PRDM2: variants seen among roughly 807,000 people sequenced by gnomAD.
PRDM2 encodes the protein PR domain zinc finger protein 2.
A neutral mutation model predicts 130.0 loss-of-function variants in PRDM2; 30 were observed. The ratio of observed to expected loss-of-function variants is 0.23; its 90% confidence interval spans 0.17 to 0.31. The LOEUF is 0.31. PRDM2 is among the 10% of genes least tolerant of loss of function. The pLI, the probability that PRDM2 is intolerant of heterozygous loss-of-function variation, is 1.00. For synonymous variants in PRDM2, 871 were observed against 782.4 expected, an observed-to-expected ratio of 1.11 and a Z score of -1.89; for missense variants, 2,011 against 2,108.4, an observed-to-expected ratio of 0.95 and a Z score of 0.90.
intron 8 of PRDM2, among the ~76,000 whole-genome samples, chr1:13,815,925 A>G (rs748841531): frequency 1.3e-5 from 2 of 152,224 alleles, no homozygotes; most frequent in African/African-American, 2.4e-5. Flanking sequence ...TCCATTCCCC[A>G]CAACCCAGCC....
Position 13,778,641 on chromosome 1 carries a change from A to T in PRDM2, c.846A>T (p.Glu282Asp), listed in dbSNP as rs376676285. The T allele has an allele frequency of 9.0e-5, 140 of 1,549,194 alleles. No homozygotes were observed. Among genetic ancestry groups the T allele is most frequent in the East Asian group, 3.2e-4 (14 of 43,682 alleles). Reference sequence around the variant, plus strand: ...AGGAGGAGGATGAAGAAGAAGAAGAAGATGATGATGATGATGAGTTGGAAG... The same window carrying T: ...AGGAGGAGGATGAAGAAGAAGAAGATGATGATGATGATGATGAGTTGGAAG... ...EEEEEDEEEE[E>D]DDDDDELEDE... Residue 282 changes from glutamate (E) to aspartate (D), a missense_variant, in exon 8 of 10, where the codon GAA becomes GAT. Around this residue, in one of 5 missense-constraint regions of PRDM2, gnomAD observed 1,288 missense variants for 1,237.7 expected, o/e 1.04. Transcript: ENST00000311066.
At chr1:13,761,729 C>T (rs993642722) in intron 6 of PRDM2, among the ~76,000 whole-genome samples, 11 of 152,056 alleles carry the variant, frequency 7.2e-5, no homozygotes, top group Admixed American at 6.6e-4. Flanking sequence ...CCAGTATGTT[C>T]AGTTTTCAAA....
rs781419766 is a variant in PRDM2 at position 13,782,348 on chromosome 1, C to T, written c.4553C>T (p.Ala1518Val). ...NSNSNHRRRT[A>V]DAEIKMQSMQ... ...AACAGCAACCACCGCAGACGGACAG[C>T]GGATGCGGAGATTAAAATGCAAAGC... Residue 1518 changes from alanine (A) to valine (V), a missense_variant, in exon 8 of 10, where the codon GCG becomes GTG. Transcript: ENST00000311066. 1.5e-5 allele frequency: 24 copies of T among 1,613,970 alleles called. No individual in the cohort carries two copies. The highest frequency in any genetic ancestry group is 6.7e-5 in the Admixed American group (4 of 59,976).
At chr1:13,762,913 C>T (rs1482530745) in intron 6 of PRDM2, among the ~76,000 whole-genome samples, 2 of 152,170 alleles carry the variant, frequency 1.3e-5, no homozygotes, top group Non-Finnish European at 2.9e-5. Flanking sequence ...TTGAGATCCT[C>T]CACAGCAGTG....
chr1:13,791,599 A>G (rs1167435620), intron 8 of PRDM2, among the ~76,000 whole-genome samples: 1 of 152,190 alleles, frequency 6.6e-6, no homozygotes, highest in East Asian at 1.9e-4. Flanking sequence ...TGCAAAACAA[A>G]CAGGTATTTA....
chr1:13,719,795 T>TC (rs1642664623), intron 2 of PRDM2, among the ~76,000 whole-genome samples: 2 of 146,150 alleles, frequency 1.4e-5, no homozygotes. Context: ...ATTTTTTTTT[T>TC]CCCATCGTTT....
In PRDM2 at chr1:13,780,490, A is replaced by T; in HGVS notation, c.2695A>T (p.Ile899Phe). ...GGTTCTTCTCAATGAATATAATGGC[A>T]TCGATTTACCTGTAGAAAACCCTGC... ...QKVLLNEYNG[I>F]DLPVENPADG... The change falls in exon 8 of 10, where the codon ATC becomes TTC. Residue 899 changes from isoleucine (I) to phenylalanine (F), a missense_variant. By Grantham distance (21) the Ile-to-Phe change is conservative. Transcript: ENST00000311066. 1 of 1,614,226 alleles carries T rather than the reference A, an allele frequency of 6.2e-7. No individual in the cohort carries two copies. The highest frequency in any genetic ancestry group is 1.1e-5 in the South Asian group (1 of 91,080).
At chr1:13,741,880 A>G in intron 4 of PRDM2, 125 bp from the exon 5 acceptor site, 1 of 714,434 alleles carries the variant, frequency 1.4e-6, no homozygotes, top group South Asian at 2.5e-5. Flanking sequence ...TTTTGTTTTT[A>G]TGAAATGCTT....
intron 7 of PRDM2, chr1:13,773,529 T>TCC (rs1644403043): frequency 6.2e-6 from 1 of 161,742 alleles, no homozygotes; most frequent in South Asian, 2.0e-4. Context: ...CCGGGCAACA[T>TCC]AGTGAGACCC....
In PRDM2 at chr1:13,779,427, G is replaced by C; in HGVS notation, c.1632G>C (p.Pro544=). ...ACGTGTATGTACCAAGCACAGAGCC[G>C]GAGGAGGAAGGGGAAGCAGATGATG... The part of the protein sequence containing the change: ...TQNVYVPSTE[P]EEEGEADDVY... Residue 544 remains proline (P), a synonymous_variant, in exon 8 of 10, where the codon CCG becomes CCC. Transcript: ENST00000311066. This position sits in a 1 kb window ranked among gnomAD's most constrained non-coding sequence, Gnocchi z 4.9. 1 of 1,614,140 alleles carries C rather than the reference G, an allele frequency of 6.2e-7. No homozygotes were observed. Among genetic ancestry groups the C allele is most frequent in the African/African-American group, 1.3e-5 (1 of 75,024 alleles).
intron 8 of PRDM2, among the ~76,000 whole-genome samples, chr1:13,809,947 T>C (rs188093785): frequency 6.6e-6 from 1 of 152,310 alleles, no homozygotes; most frequent in Non-Finnish European, 1.5e-5. Flanking sequence ...GTTCACAGAC[T>C]GCCACCTTCT....
intron 8 of PRDM2, among the ~76,000 whole-genome samples, chr1:13,790,221 G>C (rs529766611): frequency 1.8e-4 from 27 of 152,314 alleles, no homozygotes; most frequent in African/African-American, 6.3e-4. Flanking sequence ...AATATGGGAA[G>C]AATAACAGAT....
Position 13,779,137 on chromosome 1 carries a change from C to A in PRDM2, c.1342C>A (p.Pro448Thr). The change falls in exon 8 of 10, where the codon CCT becomes ACT. Residue 448 changes from proline to threonine, a missense_variant. Around this residue, in one of 5 missense-constraint regions of PRDM2, gnomAD observed 1,288 missense variants for 1,237.7 expected, o/e 1.04. Transcript: ENST00000311066. The surrounding 1 kb of genome is among the most constrained non-coding windows in gnomAD (Gnocchi z 4.9). ...ENVASKDDSS[P>T]PSLGPDCLIM... ...CGTTGCTTCAAAAGATGATTCGAGT[C>A]CTCCCAGTCTTGGGCCAGACTGTCT... is the stretch of plus-strand genomic sequence containing the variant. 1 of 1,614,142 alleles carries A rather than the reference C, an allele frequency of 6.2e-7. No individual in the cohort carries two copies. Among genetic ancestry groups the A allele is most frequent in the Non-Finnish European group, 8.5e-7 (1 of 1,180,028 alleles).
intron 8 of PRDM2, among the ~76,000 whole-genome samples, chr1:13,802,395 G>A (rs1645022409): frequency 6.6e-6 from 1 of 152,152 alleles, no homozygotes; most frequent in Non-Finnish European, 1.5e-5. Context: ...GGAGCAGAGG[G>A]CGCCACAGGG....
rs550641481 is a variant in PRDM2, at chr1:13,714,338, C to CTTT, written c.-65-1190_-65-1188dup. On this transcript the variant is annotated intron_variant, in intron 1 of 9. Transcript: ENST00000311066. ...CATGGTTTAACTTGCAATTCTCTGG[C>CTTT]TTTTTTTTTTTTTTTCCTGAGTACT... 3.0e-4 allele frequency among the ~76,000 whole-genome samples: 41 copies of CTTT among 138,178 alleles called. 1 individual carries two copies. Among genetic ancestry groups the CTTT allele is most frequent in the African/African-American group, 9.3e-4 (35 of 37,808 alleles). 90.7% of individuals were successfully genotyped at this position (138,178 alleles called of 152,430 possible).
At chr1:13,725,008 G>A (rs913863702) in intron 2 of PRDM2, among the ~76,000 whole-genome samples, 4 of 152,160 alleles carry the variant, frequency 2.6e-5, no homozygotes, top group Non-Finnish European at 5.9e-5. Context: ...TGGTCTCTAG[G>A]AGTCGGTCCT....
At chr1:13,714,441 T>C (rs1300795232) in intron 1 of PRDM2, among the ~76,000 whole-genome samples, 3 of 152,048 alleles carry the variant, frequency 2.0e-5, no homozygotes, top group East Asian at 1.9e-4. Flanking sequence ...TACATCCTTA[T>C]GCCAATTATG....
chr1:13,806,389 C>A lies in PRDM2; in HGVS notation c.5037-10038C>A, dbSNP rs72635695. Among the ~76,000 whole-genome samples the A allele has an allele frequency of 0.01, 1,540 of 152,238 alleles. 12 individuals are homozygous for A. Among genetic ancestry groups the A allele is most frequent in the Non-Finnish European group, 0.015 (1,042 of 68,000 alleles). Reference sequence around the variant, plus strand: ...ACCAATCCCGGGTTTCCACCCTCATCAGAATCTCCATTCAGCCGCCCACCT... The same window carrying A: ...ACCAATCCCGGGTTTCCACCCTCATAAGAATCTCCATTCAGCCGCCCACCT... On this transcript the variant is annotated intron_variant, in intron 8 of 9. Coordinates refer to ENST00000311066, the MANE Select transcript of PRDM2 (RefSeq NM_001393986.1). This position sits in a 1 kb window ranked among gnomAD's most constrained non-coding sequence, Gnocchi z 4.1.
At chr1:13,720,925 A>T (rs1642705549) in intron 2 of PRDM2, among the ~76,000 whole-genome samples, 1 of 152,234 alleles carries the variant, frequency 6.6e-6, no homozygotes, top group African/African-American at 2.4e-5. Context: ...TTAACTGTAT[A>T]GTACAAGTTT....
Sources: allele counts gnomAD v4.1 joint callset (sites outside exome capture counted in the v4.1 genomes callset), GRCh38; gene constraint gnomAD v4.1.1; regional missense constraint gnomAD v4.1.1; non-coding constraint Gnocchi (gnomAD v3.1); transcripts MANE v1.5; gene names NCBI Gene and HGNC (gene_info 2026-07-23, HGNC 2026-07-21).